NBDY: variants seen among roughly 807,000 people sequenced by gnomAD.
NBDY encodes P-body dissociating protein.
chrX:56,781,090 G>T (rs1024027038), intron 2 of NBDY, among the ~76,000 whole-genome samples: 1 of 111,540 alleles, frequency 9.0e-6, no homozygotes, highest in African/African-American at 3.3e-5. Context: ...AGGAACTTTG[G>T]TGTTGTTAGT....
intron 2 of NBDY, among the ~76,000 whole-genome samples, chrX:56,749,534 C>A (rs2069573231): frequency 9.0e-6 from 1 of 111,608 alleles, no homozygotes; most frequent in African/African-American, 3.3e-5. Flanking sequence ...TATTTGAAAT[C>A]CAGATAACAA....
At chrX:56,795,082 G>A (rs5960805) in intron 2 of NBDY, among the ~76,000 whole-genome samples, 14,513 of 112,001 alleles carry the variant, frequency 0.13, 1,972 homozygotes, top group African/African-American at 0.41. Flanking sequence ...TTACTGGAAC[G>A]TGGTGGTTCA....
chrX:56,766,371 G>T (rs759860961), intron 2 of NBDY, among the ~76,000 whole-genome samples: 6 of 111,524 alleles, frequency 5.4e-5, no homozygotes, highest in Admixed American at 9.5e-5. Flanking sequence ...AGACACACAT[G>T]CAGGCACTTA....
intron 2 of NBDY, among the ~76,000 whole-genome samples, chrX:56,757,117 A>G (rs1467939903): frequency 2.7e-5 from 3 of 112,435 alleles, no homozygotes; most frequent in African/African-American, 9.7e-5. Context: ...TCAGAATTAG[A>G]ATATATTGCT....
chrX:56,802,983 G>A (rs1011805924), intron 2 of NBDY, among the ~76,000 whole-genome samples: 2 of 111,173 alleles, frequency 1.8e-5, no homozygotes, highest in Non-Finnish European at 3.8e-5. Flanking sequence ...AAGGGTGGAG[G>A]CCGTCGGATT....
intron 2 of NBDY, among the ~76,000 whole-genome samples, chrX:56,744,249 C>T (rs779599884): frequency 2.7e-5 from 3 of 111,577 alleles, no homozygotes; most frequent in African/African-American, 9.7e-5. Context: ...TGTGACCTAA[C>T]ATGGTGGCTT....
At chrX:56,815,077 A>G (rs1487057991) in intron 2 of NBDY, among the ~76,000 whole-genome samples, 2 of 111,468 alleles carry the variant, frequency 1.8e-5, no homozygotes, top group East Asian at 5.6e-4. Flanking sequence ...TCATGATTTT[A>G]TAGACTATAT....
At position 56,737,466 on chromosome X, in the gene NBDY, T is replaced by C. The variant is rs2069502133; in HGVS notation, c.*166+5267T>C. Reference sequence around the variant, plus strand: ...TCTTTTATGTCTTCATCCTCATATATTGTATCATCTCTCATTAACCCCAGT... The same window carrying C: ...TCTTTTATGTCTTCATCCTCATATACTGTATCATCTCTCATTAACCCCAGT... On this transcript the variant is annotated intron_variant, in intron 2 of 2. Coordinates refer to ENST00000374922, the MANE Select transcript of NBDY (RefSeq NM_001348129.2). 19 of 722,467 alleles carry C rather than the reference T, an allele frequency of 2.6e-5. No homozygotes were observed. The Admixed American group carries it at 4.3e-4, about 17-fold the overall frequency. The allele number at this position is 722,467 out of a possible 1,213,427, so 59.5% of individuals were successfully genotyped here. A position where few individuals can be genotyped will look rare whatever the true frequency, so the allele number is the denominator to read the frequency against.
intron 2 of NBDY, among the ~76,000 whole-genome samples, chrX:56,796,495 AC>A (rs2069792182): frequency 8.9e-6 from 1 of 111,953 alleles, no homozygotes; most frequent in Admixed American, 9.4e-5. Flanking sequence ...GCTAGGGAAC[AC>A]CCTTAGGGAA....
chrX:56,752,086 T>C (rs747966263), intron 2 of NBDY, among the ~76,000 whole-genome samples: 3 of 112,511 alleles, frequency 2.7e-5, no homozygotes, highest in Admixed American at 9.4e-5. Flanking sequence ...AAACACATTT[T>C]CTTCATCCAG....
chrX:56,765,991 C>A (rs901087568), intron 2 of NBDY, among the ~76,000 whole-genome samples: 4 of 111,658 alleles, frequency 3.6e-5, no homozygotes, highest in African/African-American at 6.5e-5. Context: ...CACATTCGTT[C>A]TTTAAGGAGC....
intron 2 of NBDY, among the ~76,000 whole-genome samples, chrX:56,788,168 C>T (rs143186265): frequency 8.9e-6 from 1 of 112,671 alleles, no homozygotes; most frequent in East Asian, 2.8e-4. Flanking sequence ...GCTAGAGTCC[C>T]CTGAGTTTGG....
chrX:56,808,940 T>G (rs1433538846), intron 2 of NBDY, among the ~76,000 whole-genome samples: 1 of 112,742 alleles, frequency 8.9e-6, no homozygotes. Flanking sequence ...AACGCATCCC[T>G]GAGATTCTGG....
intron 2 of NBDY, among the ~76,000 whole-genome samples, chrX:56,785,667 C>A (rs1305964741): frequency 9.0e-6 from 1 of 111,717 alleles, no homozygotes; most frequent in African/African-American, 3.3e-5. Context: ...GGCCTCTATG[C>A]AGTCGCGGTG....
At chrX:56,787,703 C>A (rs542022657) in intron 2 of NBDY, among the ~76,000 whole-genome samples, 5 of 112,032 alleles carry the variant, frequency 4.5e-5, no homozygotes, top group African/African-American at 1.6e-4. Flanking sequence ...GTGTGGTGGC[C>A]TTCCCCAGCC....
chrX:56,730,994 A>G (rs1312319344), intron 1 of NBDY, among the ~76,000 whole-genome samples: 1 of 111,326 alleles, frequency 9.0e-6, no homozygotes, highest in Non-Finnish European at 1.9e-5. Flanking sequence ...TAGGGGATGG[A>G]TGGCCAAGGC....
At chrX:56,811,865 C>G (rs1488293003) in intron 2 of NBDY, among the ~76,000 whole-genome samples, 1 of 111,954 alleles carries the variant, frequency 8.9e-6, no homozygotes, top group African/African-American at 3.3e-5. Flanking sequence ...CAGTTTTGTG[C>G]TAGAAACCCA....
Position 56,759,514 on chromosome X carries a change from A to AT in NBDY, c.*166+27326dup, listed in dbSNP as rs1243525443. On this transcript the variant is annotated intron_variant, in intron 2 of 2. Coordinates refer to ENST00000374922, the MANE Select transcript of NBDY (RefSeq NM_001348129.2). ...CCCACTTTTTCTCTTTCTCCTTCCT[A>AT]TTTTTTTTTTTCACATGGGAAAAGG... Among the ~76,000 whole-genome samples the AT allele has an allele frequency of 4.1e-3, 410 of 99,655 alleles. 1 individual carries two copies. Among genetic ancestry groups the AT allele is most frequent in the Middle Eastern group, 0.01 (2 of 200 alleles). 86.5% of individuals were successfully genotyped at this position (99,655 alleles called of 115,157 possible).
rs142462879 is a variant in NBDY, at chrX:56,785,482, C to T, written c.*167-31838C>T. On this transcript the variant is annotated intron_variant, in intron 2 of 2. Coordinates refer to ENST00000374922, the MANE Select transcript of NBDY (RefSeq NM_001348129.2). ...GTGTCTGGCCAGACACCTTCATTCACCTCCGGGTACAGTCGTCTAGGCAAT... is the reference window on the plus strand; with the variant it reads ...GTGTCTGGCCAGACACCTTCATTCATCTCCGGGTACAGTCGTCTAGGCAAT... Among the ~76,000 whole-genome samples, 23 of 111,385 alleles carry T rather than the reference C, an allele frequency of 2.1e-4. 1 individual carries two copies. In the East Asian group the frequency reaches 6.2e-3, roughly 30 times the overall value.
Sources: gnomAD v4.1 joint callset for allele counts (sites outside exome capture counted in the v4.1 genomes callset) on GRCh38, gnomAD v4.1.1 for gene constraint, MANE v1.5 for transcripts, NCBI Gene and HGNC (gene_info 2026-07-23, HGNC 2026-07-21) for gene names.